The following ASH1L variants were observed in gnomAD, a reference collection of about 807,000 sequenced individuals.
ASH1L encodes histone-lysine N-methyltransferase ASH1L.
A neutral mutation model predicts 269.0 loss-of-function variants in ASH1L; 23 were observed. That is an observed-to-expected ratio of 0.09 (90% CI 0.06 to 0.12). The LOEUF (loss-of-function observed/expected upper bound fraction) is 0.12. Among genes scored for constraint, ASH1L ranks in the 10% least tolerant of loss-of-function variants. The pLI is 1.00. For missense variants in ASH1L, 2,912 were observed against 3,567.8 expected (o/e 0.82, Z 4.68); for synonymous variants, 1,187 against 1,253.5 (o/e 0.95, Z 1.12).
rs1254733048 is a variant in ASH1L at position 155,562,153 on chromosome 1, C to A, written c.-100G>T. On this transcript the variant is annotated splice_region_variant and 5_prime_UTR_variant, in exon 1 of 28. Transcript: ENST00000392403. ...TGCCGGCCCAAATCGTTCTACTCAC[C>A]GTGTCGGAGGCCGAGGCCGAGGCCG... is the stretch of plus-strand genomic sequence containing the variant. 2 of 1,548,816 alleles carry A rather than the reference C, an allele frequency of 1.3e-6. No homozygotes were observed. The highest frequency in any genetic ancestry group is 1.2e-5 in the South Asian group (1 of 86,540).
intron 6 of ASH1L, among the ~76,000 whole-genome samples, chr1:155,399,407 T>C (rs766735993): frequency 2.1e-4 from 32 of 152,076 alleles, no homozygotes; most frequent in Non-Finnish European, 4.4e-4. Flanking sequence ...CTTTGGGAAG[T>C]AGGGGCGGGC....
chr1:155,478,723 C>T lies in ASH1L; in HGVS notation c.4147G>A (p.Gly1383Ser), dbSNP rs1457168130. Residue 1383 changes from glycine (G) to serine (S), a missense_variant, in exon 3 of 28, where the codon GGT becomes AGT. Physicochemically the swap from Gly to Ser is moderately conservative, Grantham distance 56. Transcript: ENST00000392403. The surrounding 1 kb of genome is among the most constrained non-coding windows in gnomAD (Gnocchi z 4.6). ...LSSTGFYPSY[G>S]MPYSPSPLTA... ...AGGGGTGAAGGAGAGTAAGGCATACCATAAGATGGATAGAATCCAGTACTA... is the reference window on the plus strand; with the variant it reads ...AGGGGTGAAGGAGAGTAAGGCATACTATAAGATGGATAGAATCCAGTACTA... 6.2e-7 allele frequency: 1 copy of T among 1,613,922 alleles called. No homozygotes were observed. Among genetic ancestry groups the T allele is most frequent in the Non-Finnish European group, 8.5e-7 (1 of 1,179,996 alleles).
At chr1:155,404,559 T>C (rs1407601344) in intron 6 of ASH1L, among the ~76,000 whole-genome samples, 1 of 152,006 alleles carries the variant, frequency 6.6e-6, no homozygotes, top group African/African-American at 2.4e-5. Context: ...GTGAATGATC[T>C]TAAGCAAAGT....
chr1:155,489,569 G>C (rs905758971), intron 2 of ASH1L, among the ~76,000 whole-genome samples: 4 of 151,364 alleles, frequency 2.6e-5, no homozygotes, highest in Non-Finnish European at 5.9e-5. Context: ...AGGAGATCAA[G>C]ACCACAGTGA....
At chr1:155,549,190 A>C (rs1671031296) in intron 1 of ASH1L, among the ~76,000 whole-genome samples, 1 of 152,180 alleles carries the variant, frequency 6.6e-6, no homozygotes, top group Non-Finnish European at 1.5e-5. Flanking sequence ...AAAAACCAAA[A>C]AAATTACCCG....
At chr1:155,404,889 G>A (rs1659139066) in intron 6 of ASH1L, among the ~76,000 whole-genome samples, 1 of 151,572 alleles carries the variant, frequency 6.6e-6, no homozygotes, top group African/African-American at 2.4e-5. Context: ...TCAGCTGAGT[G>A]TGGTGGTGCG....
chr1:155,349,757 G>A (rs1005979543), intron 17 of ASH1L, among the ~76,000 whole-genome samples, 161 bp from the exon 18 acceptor site: 3 of 125,462 alleles, frequency 2.4e-5, no homozygotes, highest in African/African-American at 6.3e-5. Context: ...CACTCTTGTC[G>A]CCCAGGCTGG....
At chr1:155,386,752 T>A (rs1657464606) in intron 7 of ASH1L, among the ~76,000 whole-genome samples, 1 of 152,070 alleles carries the variant, frequency 6.6e-6, no homozygotes, top group South Asian at 2.1e-4. Flanking sequence ...AGATGCTGGA[T>A]ATTAGATCTT....
chr1:155,350,133 G>A (rs577624489), intron 17 of ASH1L, among the ~76,000 whole-genome samples: 2 of 152,048 alleles, frequency 1.3e-5, no homozygotes, highest in Non-Finnish European at 2.9e-5. Context: ...TGATCTGCCC[G>A]CCTCAGCCTC....
rs780832980 is a variant in ASH1L, at chr1:155,459,853, C to T, written c.5030G>A (p.Ser1677Asn). ...TTTCCGGGTAGGGCTACAATTTGTG[C>T]TCTCTGATGGCCGCTGGGAGGGTTT... is the stretch of plus-strand genomic sequence containing the variant. The part of the protein sequence containing the change: ...SDKPSQRPSE[S>N]TNCSPTRKRS... The change falls in exon 4 of 28, where the codon AGC becomes AAC. Residue 1677 changes from serine (S) to asparagine (N), a missense_variant. By Grantham distance (46) the Ser-to-Asn change is conservative (BLOSUM62 1). Coordinates refer to ENST00000392403, the MANE Select transcript of ASH1L (RefSeq NM_018489.3). 1 of 1,612,786 alleles carries T rather than the reference C, an allele frequency of 6.2e-7. No individual in the cohort carries two copies. Among genetic ancestry groups the T allele is most frequent in the South Asian group, 1.1e-5 (1 of 90,884 alleles).
chr1:155,562,985 A>AGGAGAG (rs1558231091), upstream of ASH1L: 1 of 455,914 alleles, frequency 2.2e-6, no homozygotes, highest in Non-Finnish European at 4.4e-6. Context: ...CTGCAGGGGC[A>AGGAGAG]GGAGAGGAAG....
chr1:155,474,589 T>C (rs147778015), intron 3 of ASH1L, among the ~76,000 whole-genome samples: 3,115 of 152,180 alleles, frequency 0.02, 105 homozygotes, highest in African/African-American at 0.072. Flanking sequence ...TAGTCCCAGC[T>C]ACTCAGGAGG....
At chr1:155,380,287 C>A (rs896734088) in intron 7 of ASH1L, among the ~76,000 whole-genome samples, 171 bp from the exon 8 acceptor site, 3 of 152,122 alleles carry the variant, frequency 2.0e-5, no homozygotes, top group African/African-American at 7.2e-5. Context: ...CCACTATACT[C>A]CACACGATAT....
At chr1:155,521,680 A>G in intron 1 of ASH1L, 62 bp from the exon 2 acceptor site, 1 of 632,192 alleles carries the variant, frequency 1.6e-6, no homozygotes, top group Non-Finnish European at 2.7e-6. Context: ...TAACATAAGT[A>G]ATGGGTATAG....
At chr1:155,544,387 T>A (rs774942913) in intron 1 of ASH1L, among the ~76,000 whole-genome samples, 1 of 151,628 alleles carries the variant, frequency 6.6e-6, no homozygotes, top group Non-Finnish European at 1.5e-5. Context: ...CCCGGGTTCA[T>A]GCCATTCTCC....
chr1:155,414,106 C>T (rs1660018338), intron 6 of ASH1L, among the ~76,000 whole-genome samples: 1 of 152,062 alleles, frequency 6.6e-6, no homozygotes, highest in South Asian at 2.1e-4. Flanking sequence ...TCTAAGGTTT[C>T]CTCTTTCAAT....
At chr1:155,498,371 G>A (rs945301803) in intron 2 of ASH1L, among the ~76,000 whole-genome samples, 9 of 152,070 alleles carry the variant, frequency 5.9e-5, no homozygotes, top group African/African-American at 1.9e-4. Flanking sequence ...CTGAGAAGAC[G>A]GGACTACAGG....
chr1:155,478,746 C>A lies in ASH1L; in HGVS notation c.4124G>T (p.Ser1375Ile). ...ACCATAAGATGGATAGAATCCAGTA[C>A]TAGAAAGAGGAAAACTAAGGCTGTG... ...FMHSLSFPLSSTGFYPSYGMP... is the reference protein window; with the variant it reads ...FMHSLSFPLSITGFYPSYGMP... The change falls in exon 3 of 28, where the codon AGT becomes ATT. Residue 1375 changes from serine to isoleucine, a missense_variant. Around this residue, in one of 13 missense-constraint regions of ASH1L, gnomAD observed 789 missense variants for 897.6 expected, o/e 0.88. Transcript: ENST00000392403. The surrounding 1 kb of genome is among the most constrained non-coding windows in gnomAD (Gnocchi z 4.6). The A allele has an allele frequency of 1.9e-6, 3 of 1,614,082 alleles. No individual in the cohort carries two copies. The highest frequency in any genetic ancestry group is 2.5e-6 in the Non-Finnish European group (3 of 1,180,026).
intron 4 of ASH1L, chr1:155,440,471 C>T (rs1176915835): frequency 1.7e-6 from 1 of 586,442 alleles, no homozygotes; most frequent in Non-Finnish European, 2.1e-6. Flanking sequence ...GTCCTCAATA[C>T]AGAGTACTTG....
Sources: gnomAD v4.1 joint callset for allele counts (sites outside exome capture counted in the v4.1 genomes callset) on GRCh38, gnomAD v4.1.1 for gene constraint, gnomAD v4.1.1 regional missense constraint, Gnocchi (gnomAD v3.1) non-coding constraint, MANE v1.5 for transcripts, NCBI Gene and HGNC (gene_info 2026-07-23, HGNC 2026-07-21) for gene names.